Variants in NTM observed in about 807,000 individuals in gnomAD.
The protein encoded by NTM is IgLON family member 2.
NTM carries 13 observed loss-of-function variants against 42.1 expected under a neutral mutation model. The ratio of observed to expected loss-of-function variants is 0.31; its 90% CI spans 0.20 to 0.49. The LOEUF is 0.49. Ranked by LOEUF, NTM falls within the 20% of genes least tolerant of loss-of-function variation. The pLI, the probability that NTM is intolerant of heterozygous loss-of-function variation, is 0.99. For missense variants in NTM, 373 were observed against 452.8 expected, an observed-to-expected ratio of 0.82 and a Z score of 1.60; for synonymous variants, 187 against 179.2, an observed-to-expected ratio of 1.04 and a Z score of -0.35.
At chr11:131,380,352 C>T (rs1435932089) in intron 1 of NTM, among the ~76,000 whole-genome samples, 4 of 151,960 alleles carry the variant, frequency 2.6e-5, no homozygotes, top group African/African-American at 9.7e-5. Flanking sequence ...GGATTACAGG[C>T]ATGTGCCACC....
chr11:131,925,436 G>A (rs1213417054), intron 2 of NTM, among the ~76,000 whole-genome samples: 2 of 142,398 alleles, frequency 1.4e-5, no homozygotes, highest in Non-Finnish European at 3.0e-5. Context: ...CCAGGCTGGA[G>A]TGCAGAGATG....
At chr11:131,561,107 G>C (rs1211428941) in intron 1 of NTM, among the ~76,000 whole-genome samples, 1 of 152,222 alleles carries the variant, frequency 6.6e-6, no homozygotes, top group Non-Finnish European at 1.5e-5. Context: ...AACAAGCGCA[G>C]TCAGGCTTTT....
At chr11:132,246,233 C>T (rs1317197083) in intron 4 of NTM, among the ~76,000 whole-genome samples, 1 of 152,254 alleles carries the variant, frequency 6.6e-6, no homozygotes, top group Non-Finnish European at 1.5e-5. Context: ...AGGTGGGACT[C>T]CTCCAAGCCT....
intron 1 of NTM, among the ~76,000 whole-genome samples, chr11:131,679,897 G>T (rs541926636): frequency 6.6e-6 from 1 of 152,134 alleles, no homozygotes; most frequent in Non-Finnish European, 1.5e-5. Flanking sequence ...GATGGAGAAG[G>T]CTAGTGCTGA....
At chr11:131,424,590 C>CTTTTTTTTTTTTTT (rs1565486929) in intron 1 of NTM, among the ~76,000 whole-genome samples, 2 of 51,652 alleles carry the variant, frequency 3.9e-5, no homozygotes, top group East Asian at 5.8e-4. Flanking sequence ...TTTTTTATTT[C>CTTTTTTTTTTTTTT]TTTTCTTTTC....
chr11:132,158,985 G>A (rs551476211), intron 3 of NTM, among the ~76,000 whole-genome samples: 133 of 152,296 alleles, frequency 8.7e-4, no homozygotes, highest in African/African-American at 2.3e-3. Flanking sequence ...CCACCCCCAG[G>A]GTGTGGGTTT....
At chr11:132,128,394 C>G (rs187915101) in intron 2 of NTM, among the ~76,000 whole-genome samples, 8 of 152,138 alleles carry the variant, frequency 5.3e-5, no homozygotes, top group Non-Finnish European at 1.0e-4. Context: ...TTTACTCTCT[C>G]AGCTGTAGAA....
chr11:132,271,670 C>T (rs557413742), intron 4 of NTM, among the ~76,000 whole-genome samples: 1 of 150,422 alleles, frequency 6.6e-6, no homozygotes, highest in African/African-American at 2.4e-5. Context: ...TTTTGATGTT[C>T]TTATTGGCCA....
chr11:131,607,822 A>G (rs2061107791), intron 1 of NTM, among the ~76,000 whole-genome samples: 1 of 151,852 alleles, frequency 6.6e-6, no homozygotes, highest in African/African-American at 2.4e-5. Context: ...TGATGATTCT[A>G]TTTTGTTTTC....
intron 1 of NTM, among the ~76,000 whole-genome samples, chr11:131,730,818 C>T (rs1041978891): frequency 6.6e-6 from 1 of 151,812 alleles, no homozygotes; most frequent in African/African-American, 2.4e-5. Flanking sequence ...ATTCGGATTT[C>T]AAGGAGTTCT....
At chr11:131,395,644 C>G (rs1348020696) in intron 1 of NTM, among the ~76,000 whole-genome samples, 1 of 152,162 alleles carries the variant, frequency 6.6e-6, no homozygotes, top group Non-Finnish European at 1.5e-5. Flanking sequence ...TAGAACCGCT[C>G]TGAGTTTTTA....
intron 1 of NTM, among the ~76,000 whole-genome samples, chr11:131,657,428 G>C (rs1254309523): frequency 6.6e-6 from 1 of 152,232 alleles, no homozygotes; most frequent in African/African-American, 2.4e-5. Context: ...AATGCCACAT[G>C]TCAGCAGGTA....
rs560851907 is a variant in NTM at position 131,952,402 on chromosome 11, C to A, written c.167+40754C>A. ...TTTGTATTGTGTTTGTGTGTGCACA[C>A]ATATATGTACATGCACGTATGTATA... On this transcript the variant is annotated intron_variant, in intron 2 of 8. Coordinates refer to ENST00000683400, the MANE Select transcript of NTM (RefSeq NM_001352005.2). 4.6e-5 allele frequency among the ~76,000 whole-genome samples: 7 copies of A among 152,304 alleles called. No homozygotes were observed. The South Asian group carries it at 1.4e-3, about 32-fold the overall frequency.
intron 2 of NTM, among the ~76,000 whole-genome samples, chr11:131,982,220 G>A (rs1469767830): frequency 6.6e-6 from 1 of 152,086 alleles, no homozygotes; most frequent in East Asian, 1.9e-4. Flanking sequence ...CTGTTCTCAT[G>A]GGAAGGGAGG....
intron 1 of NTM, among the ~76,000 whole-genome samples, chr11:131,563,579 CTTTT>C (rs71911433): frequency 1.7e-4 from 15 of 88,768 alleles, no homozygotes; most frequent in African/African-American, 4.6e-4. Flanking sequence ...GCTCCAGACA[CTTTT>C]TTTTTTTTTT....
chr11:131,982,299 G>A (rs1718226875), intron 2 of NTM, among the ~76,000 whole-genome samples: 2 of 152,256 alleles, frequency 1.3e-5, no homozygotes, highest in South Asian at 4.1e-4. Context: ...CCTCCCCAGT[G>A]TGGGGTTTCT....
At chr11:131,868,774 G>T (rs574514215) in intron 1 of NTM, among the ~76,000 whole-genome samples, 2 of 152,198 alleles carry the variant, frequency 1.3e-5, no homozygotes, top group Admixed American at 1.3e-4. Context: ...AGGCTGTCCT[G>T]ATGACATCAG....
intron 3 of NTM, among the ~76,000 whole-genome samples, chr11:132,201,675 A>G (rs921708406): frequency 1.3e-5 from 2 of 152,248 alleles, no homozygotes; most frequent in African/African-American, 4.8e-5. Flanking sequence ...TCAGCACATC[A>G]GGGTTGGTTT....
intron 2 of NTM, among the ~76,000 whole-genome samples, chr11:132,067,880 C>T (rs1488483113): frequency 1.3e-5 from 2 of 152,216 alleles, no homozygotes. Flanking sequence ...GGGAGTCTAG[C>T]AACCTTCTTT....
Sources: gnomAD v4.1 joint callset for allele counts (sites outside exome capture counted in the v4.1 genomes callset) on GRCh38, gnomAD v4.1.1 for gene constraint, MANE v1.5 for transcripts, NCBI Gene and HGNC (gene_info 2026-07-23, HGNC 2026-07-21) for gene names.